The following CDK13 variants were observed in gnomAD, a reference collection of about 807,000 sequenced individuals.
CDK13 encodes the protein cyclin-dependent kinase 13.
CDK13 carries 40 observed loss-of-function variants against 137.6 expected under a neutral mutation model. The observed-to-expected ratio is 0.29, with a 90% CI of 0.23 to 0.38. CDK13 has a LOEUF of 0.38. Among genes scored for constraint, CDK13 ranks in the 10% least tolerant of loss-of-function variants. The probability of loss-of-function intolerance (pLI) is 1.00; values close to 1 mark genes in which losing one functional copy is unlikely to be tolerated. For synonymous variants in CDK13, 869 were observed against 760.1 expected, an observed-to-expected ratio of 1.14 and a Z score of -2.36; for missense variants, 1,704 against 1,951.8, an observed-to-expected ratio of 0.87 and a Z score of 2.39.
Position 40,099,549 on chromosome 7 carries a change from T to TA in CDK13, c.*4570dup, listed in dbSNP as rs1787102050. ...ACCATTTTTTTAAGGCCGTATTCAATAGTCTGTAAATAAATTGCCGTAACA... is the reference window on the plus strand; with the variant it reads ...ACCATTTTTTTAAGGCCGTATTCAATAAGTCTGTAAATAAATTGCCGTAACA... On this transcript the variant is annotated 3_prime_UTR_variant, in exon 14 of 14. Coordinates refer to ENST00000181839, the MANE Select transcript of CDK13 (RefSeq NM_003718.5). 6.6e-6 allele frequency: 1 copy of TA among 152,202 alleles called. No individual in the cohort carries two copies. The highest frequency in any genetic ancestry group is 1.5e-5 in the Non-Finnish European group (1 of 68,026). 9.4% of individuals were successfully genotyped at this position (152,202 alleles called of 1,614,324 possible).
At chr7:39,956,788 T>C (rs752872532) in intron 1 of CDK13, among the ~76,000 whole-genome samples, 53 of 152,136 alleles carry the variant, frequency 3.5e-4, no homozygotes, top group Non-Finnish European at 5.0e-4. Context: ...GGTTTTACCA[T>C]GTTGCTCTGA....
chr7:40,047,926 G>C, intron 7 of CDK13, 49 bp downstream of exon 7: 1 of 1,137,254 alleles, frequency 8.8e-7, no homozygotes, highest in Non-Finnish European at 1.3e-6. Flanking sequence ...TTTAGTATTA[G>C]AAGCTATACT....
At chr7:40,008,557 G>T (rs1040298512) in intron 5 of CDK13, among the ~76,000 whole-genome samples, 6 of 152,194 alleles carry the variant, frequency 3.9e-5, no homozygotes, top group African/African-American at 1.4e-4. Context: ...TGGAATTTCA[G>T]TTGAAGGTGT....
chr7:39,991,977 A>G (rs1784463524), intron 2 of CDK13, among the ~76,000 whole-genome samples: 1 of 151,904 alleles, frequency 6.6e-6, no homozygotes, highest in Non-Finnish European at 1.5e-5. Flanking sequence ...ACCTGAGCCC[A>G]AGAGGTCGAG....
chr7:40,002,901 CAA>C (rs35726478), intron 5 of CDK13, among the ~76,000 whole-genome samples: 37 of 73,880 alleles, frequency 5.0e-4, no homozygotes, highest in East Asian at 1.7e-3. Flanking sequence ...CCCATCTCTA[CAA>C]AAAAAAAAAA....
chr7:39,960,023 G>C (rs1023339551), intron 1 of CDK13, among the ~76,000 whole-genome samples: 4 of 150,680 alleles, frequency 2.7e-5, no homozygotes, highest in African/African-American at 9.7e-5. Context: ...AACTTTAGTA[G>C]TACTTTTATC....
chr7:40,073,594 C>CT (rs756220710), intron 9 of CDK13: 123 of 134,700 alleles, frequency 9.1e-4, no homozygotes, highest in East Asian at 3.7e-3. Flanking sequence ...TTCTTTCTTT[C>CT]TTTTTTTTTT....
intron 5 of CDK13, among the ~76,000 whole-genome samples, chr7:40,019,510 T>G (rs1354951378): frequency 6.6e-6 from 1 of 152,198 alleles, no homozygotes; most frequent in East Asian, 1.9e-4. Flanking sequence ...ATCAGAATTT[T>G]TTCCTTTTTG....
In CDK13 at chr7:39,951,821, C is replaced by T. The variant is rs1424872268; in HGVS notation, c.1180C>T (p.Arg394Cys). The change falls in exon 1 of 14, where the codon CGC becomes TGC. Residue 394 changes from arginine (R) to cysteine (C), a missense_variant. By Grantham distance (180) the Arg-to-Cys change is radical. Coordinates refer to ENST00000181839, the MANE Select transcript of CDK13 (RefSeq NM_003718.5). ...TCCCTACAGCAGCAGCAGCTGGCGC[C>T]GCTCTCGCAGTCCCTACAGCCCTGT... is the stretch of plus-strand genomic sequence containing the variant. ...PSPYSSSSWR[R>C]SRSPYSPVLR... 2 of 1,453,658 alleles carry T rather than the reference C, an allele frequency of 1.4e-6. No individual in the cohort carries two copies. Among genetic ancestry groups the T allele is most frequent in the Non-Finnish European group, 1.8e-6 (2 of 1,112,212 alleles). The allele number at this position is 1,453,658 out of a possible 1,614,324, so 90.0% of individuals were successfully genotyped here.
intron 9 of CDK13, chr7:40,070,835 T>C (rs1786405496): frequency 6.6e-6 from 1 of 152,154 alleles, no homozygotes; most frequent in Admixed American, 6.5e-5. Flanking sequence ...ATTTAATTGT[T>C]TTTAAACATG....
In CDK13 at chr7:39,976,651, A is replaced by G. The variant is rs138945497; in HGVS notation, c.1212-10948A>G. 5.8e-4 allele frequency among the ~76,000 whole-genome samples: 88 copies of G among 152,168 alleles called. 1 individual carries two copies. The highest frequency in any genetic ancestry group is 1.9e-3 in the African/African-American group (80 of 41,528). On this transcript the variant is annotated intron_variant, in intron 1 of 13. Transcript: ENST00000181839. ...AATAGTACTCCACTCTAAATATACT[A>G]TGTTTTTTTCTATACATACATACCT...
At chr7:40,055,156 C>CTGTGTGTG (rs56001601) in intron 7 of CDK13, among the ~76,000 whole-genome samples, 3,190 of 140,366 alleles carry the variant, frequency 0.023, 85 homozygotes, top group African/African-American at 0.069. Context: ...GGCAGAAGGA[C>CTGTGTGTG]TGTGTGTGTG....
At position 39,976,168 on chromosome 7, in the gene CDK13, C is replaced by T. The variant is rs1462777999; in HGVS notation, c.1212-11431C>T. 4.6e-5 allele frequency among the ~76,000 whole-genome samples: 7 copies of T among 151,732 alleles called. No homozygotes were observed. The East Asian group carries it at 1.4e-3, about 30-fold the overall frequency. ...ATTTAGCTGGGTGTAGTGGTGGGTG[C>T]CGTAATCCCAGCTACTTGGGAGGCT... On this transcript the variant is annotated intron_variant, in intron 1 of 13. Transcript: ENST00000181839.
At chr7:40,076,128 C>T (rs1011133747) in intron 9 of CDK13, among the ~76,000 whole-genome samples, 1 of 152,182 alleles carries the variant, frequency 6.6e-6, no homozygotes, top group African/African-American at 2.4e-5. Flanking sequence ...GTATCTTTGC[C>T]TTCCTGGATT....
chr7:39,966,147 G>T (rs1404698736), intron 1 of CDK13, among the ~76,000 whole-genome samples: 1 of 152,094 alleles, frequency 6.6e-6, no homozygotes, highest in Non-Finnish European at 1.5e-5. Context: ...TGCATTTCCT[G>T]AATCTGAATG....
intron 4 of CDK13, among the ~76,000 whole-genome samples, chr7:40,000,768 A>C (rs974315177): frequency 1.3e-5 from 2 of 152,256 alleles, no homozygotes; most frequent in African/African-American, 4.8e-5. Flanking sequence ...TAATAGAATA[A>C]GTTTAATGAT....
rs2116054485 is a variant in CDK13, at chr7:39,951,089, A to G, written c.448A>G (p.Ser150Gly). The change falls in exon 1 of 14, where the codon AGC (serine) becomes GGC (glycine). Residue 150 changes from serine (S) to glycine (G), a missense_variant. Ser to Gly is a moderately conservative substitution (Grantham distance 56). Around this residue, in one of 5 missense-constraint regions of CDK13, gnomAD observed 1,051 missense variants for 931.0 expected, o/e 1.13. Coordinates refer to ENST00000181839, the MANE Select transcript of CDK13 (RefSeq NM_003718.5). Reference protein sequence around the residue: ...VTPLVEYEDVSSQSEQGLLLG... With the variant: ...VTPLVEYEDVGSQSEQGLLLG... ...CCCGCTGGTGGAATACGAGGATGTG[A>G]GCTCCCAGTCCGAGCAGGGGCTGCT... The G allele has an allele frequency of 7.9e-7, 1 of 1,264,902 alleles. No homozygotes were observed. Among genetic ancestry groups the G allele is most frequent in the Non-Finnish European group, 9.9e-7 (1 of 1,006,792 alleles). 78.4% of individuals were successfully genotyped at this position (1,264,902 alleles called of 1,614,324 possible).
Position 39,951,770 on chromosome 7 carries a change from G to A in CDK13, c.1129G>A (p.Glu377Lys). 1.4e-6 allele frequency: 2 copies of A among 1,481,350 alleles called. No homozygotes were observed. The highest frequency in any genetic ancestry group is 1.8e-6 in the Non-Finnish European group (2 of 1,128,668). The allele number at this position is 1,481,350 out of a possible 1,614,324, so 91.8% of individuals were successfully genotyped here. A position where few individuals can be genotyped will look rare whatever the true frequency, so the allele number is the denominator to read the frequency against. ...CAGCTACAGCCGCCACAGCTCCTAC[G>A]AGCGGGGCGGCGACGTGTCCCCTAG... ...SPSYSRHSSYERGGDVSPSPY... is the reference protein window; with the variant it reads ...SPSYSRHSSYKRGGDVSPSPY... Residue 377 changes from glutamate (E) to lysine (K), a missense_variant, in exon 1 of 14, where the codon GAG becomes AAG. By Grantham distance (56) the Glu-to-Lys change is moderately conservative. This residue lies in a region of CDK13 where 1,051 missense variants were observed against 931.0 expected (regional missense o/e 1.13). Transcript: ENST00000181839.
chr7:40,042,957 T>C (rs1319300388), intron 5 of CDK13, among the ~76,000 whole-genome samples: 1 of 152,066 alleles, frequency 6.6e-6, no homozygotes, highest in East Asian at 1.9e-4. Flanking sequence ...TTTAAATTTC[T>C]GTAGAGACAG....
Sources: gnomAD v4.1 joint callset for allele counts (sites outside exome capture counted in the v4.1 genomes callset) on GRCh38, gnomAD v4.1.1 for gene constraint, gnomAD v4.1.1 regional missense constraint, MANE v1.5 for transcripts, NCBI Gene and HGNC (gene_info 2026-07-23, HGNC 2026-07-21) for gene names.